The following TNR variants were observed in gnomAD, a reference collection of about 807,000 sequenced individuals.
TNR encodes the protein tenascin-R.
TNR carries 45 observed loss-of-function variants against 150.4 expected under a neutral mutation model. The observed-to-expected ratio is 0.30, with a 90% CI of 0.24 to 0.38. TNR has a LOEUF of 0.38. Ranked by LOEUF, TNR falls within the 10% of genes least tolerant of loss-of-function variation. The pLI is 1.00. For missense variants in TNR, 1,544 were observed against 1,759.1 expected, an observed-to-expected ratio of 0.88 and a Z score of 2.19; for synonymous variants, 687 against 678.4, an observed-to-expected ratio of 1.01 and a Z score of -0.20.
chr1:175,702,161 T>C (rs775546371), intron 1 of TNR, among the ~76,000 whole-genome samples: 20 of 152,200 alleles, frequency 1.3e-4, no homozygotes, highest in Non-Finnish European at 2.2e-4. Context: ...CTGTGGTTAT[T>C]GTATCTTCCA....
Position 175,331,095 on chromosome 1 carries a change from T to TTCTTTCTTTCTTTCTC in TNR, c.3632-861_3632-860insGAGAAAGAAAGAAAGA, listed in dbSNP as rs1557868199. On this transcript the variant is annotated intron_variant, in intron 20 of 22. Transcript: ENST00000367674. ...TTTCTTTCCTTCTTTCTTTCTTTCT[T>TTCTTTCTTTCTTTCTC]TCTTTCTCTCTCTCTTTCTTTTCTT... Among the ~76,000 whole-genome samples, 154 of 132,126 alleles carry TTCTTTCTTTCTTTCTC rather than the reference T, an allele frequency of 1.2e-3. 9 individuals are homozygous for TTCTTTCTTTCTTTCTC. The highest frequency in any genetic ancestry group is 3.2e-3 in the African/African-American group (107 of 33,152). 86.7% of individuals were successfully genotyped at this position (132,126 alleles called of 152,430 possible). A position where few individuals can be genotyped will look rare whatever the true frequency, so the allele number is the denominator to read the frequency against.
At chr1:175,671,955 GA>G (rs145286666) in intron 1 of TNR, among the ~76,000 whole-genome samples, 1,952 of 151,604 alleles carry the variant, frequency 0.013, 42 homozygotes, top group African/African-American at 0.045. Flanking sequence ...GTGTGTTGGA[GA>G]GGGGGAAAGG....
intron 1 of TNR, among the ~76,000 whole-genome samples, chr1:175,616,049 C>T (rs923811697): frequency 6.6e-6 from 1 of 152,166 alleles, no homozygotes; most frequent in Non-Finnish European, 1.5e-5. Flanking sequence ...GAGAGAATGG[C>T]ATGTGCATAG....
chr1:175,417,079 T>TAA (rs1557920417), intron 2 of TNR, among the ~76,000 whole-genome samples: 2 of 60,960 alleles, frequency 3.3e-5, no homozygotes, highest in Non-Finnish European at 7.2e-5. Flanking sequence ...AAGAAAGAAA[T>TAA]CTAAGAAGTG....
At chr1:175,396,509 A>G (rs781507378) in intron 5 of TNR, 35 bp downstream of exon 5, 9 of 1,597,798 alleles carry the variant, frequency 5.6e-6, no homozygotes, top group Admixed American at 1.7e-5. Flanking sequence ...GTAGGAGAAA[A>G]GAAAAATGAA....
intron 2 of TNR, among the ~76,000 whole-genome samples, chr1:175,491,384 T>A (rs1189135959): frequency 6.6e-6 from 1 of 152,172 alleles, no homozygotes; most frequent in Non-Finnish European, 1.5e-5. Flanking sequence ...AAATAAATGT[T>A]AAAGAAAAAA....
At chr1:175,348,447 A>T (rs981912816) in intron 18 of TNR, among the ~76,000 whole-genome samples, 1 of 152,210 alleles carries the variant, frequency 6.6e-6, no homozygotes, top group Admixed American at 6.5e-5. Flanking sequence ...CCTTTGGAAA[A>T]ATAAAGGTCA....
intron 18 of TNR, among the ~76,000 whole-genome samples, chr1:175,353,107 G>A (rs755394183): frequency 6.6e-6 from 1 of 152,194 alleles, no homozygotes; most frequent in South Asian, 2.1e-4. Flanking sequence ...TCAAAGTCGG[G>A]GCTGGGCAGC....
At chr1:175,658,702 A>G (rs1665270605) in intron 1 of TNR, among the ~76,000 whole-genome samples, 1 of 152,218 alleles carries the variant, frequency 6.6e-6, no homozygotes, top group Non-Finnish European at 1.5e-5. Flanking sequence ...GGTCAGACAG[A>G]CTTTATAATA....
chr1:175,537,935 G>A (rs770302056), intron 1 of TNR, among the ~76,000 whole-genome samples: 2 of 152,206 alleles, frequency 1.3e-5, no homozygotes, highest in African/African-American at 4.8e-5. Context: ...TAAGAGTCAA[G>A]TGCAAATCCA....
chr1:175,696,707 C>G (rs1346430781), intron 1 of TNR, among the ~76,000 whole-genome samples: 1 of 151,942 alleles, frequency 6.6e-6, no homozygotes, highest in African/African-American at 2.4e-5. Context: ...TGGAGAAAAC[C>G]CATGTCTACT....
chr1:175,468,187 G>C (rs1657116932), intron 2 of TNR, among the ~76,000 whole-genome samples: 1 of 152,202 alleles, frequency 6.6e-6, no homozygotes, highest in Admixed American at 6.5e-5. Context: ...TGATGCGCTA[G>C]TGAAGGAGAT....
chr1:175,686,881 A>G (rs778311650), intron 1 of TNR, among the ~76,000 whole-genome samples: 1 of 152,154 alleles, frequency 6.6e-6, no homozygotes, highest in Non-Finnish European at 1.5e-5. Flanking sequence ...TTCCTTATCT[A>G]GCTCACCATT....
intron 1 of TNR, among the ~76,000 whole-genome samples, chr1:175,702,997 C>T (rs1666740178): frequency 6.6e-6 from 1 of 150,534 alleles, no homozygotes; most frequent in African/African-American, 2.5e-5. Context: ...CTGCTCTATA[C>T]AGAACACCAT....
rs1418999940 is a variant in TNR at position 175,317,500 on chromosome 1, G to A, written c.*5857C>T. On this transcript the variant is annotated 3_prime_UTR_variant, in exon 23 of 23. Transcript: ENST00000367674. Reference sequence around the variant, plus strand: ...GGTCTCCCTAGGGGCTGCTAAACCAGTGATGGGAAGAAAATAACAGTTCAT... The same window carrying A: ...GGTCTCCCTAGGGGCTGCTAAACCAATGATGGGAAGAAAATAACAGTTCAT... The A allele has an allele frequency of 6.6e-6, 1 of 152,244 alleles. No individual in the cohort carries two copies. The highest frequency in any genetic ancestry group is 2.1e-4 in the South Asian group (1 of 4,832). 9.4% of individuals were successfully genotyped at this position (152,244 alleles called of 1,614,324 possible).
chr1:175,687,208 T>G (rs909216907), intron 1 of TNR, among the ~76,000 whole-genome samples: 1 of 152,122 alleles, frequency 6.6e-6, no homozygotes, highest in African/African-American at 2.4e-5. Flanking sequence ...CCTGCCTCCC[T>G]CCACTAAGCT....
intron 1 of TNR, among the ~76,000 whole-genome samples, chr1:175,568,400 G>A (rs1410497581): frequency 6.6e-6 from 1 of 152,034 alleles, no homozygotes; most frequent in Admixed American, 6.6e-5. Context: ...AGCTTTGTGG[G>A]CATTCCTCGG....
intron 1 of TNR, among the ~76,000 whole-genome samples, chr1:175,661,229 C>T (rs1315746010): frequency 2.0e-5 from 3 of 152,170 alleles, no homozygotes; most frequent in African/African-American, 7.2e-5. Context: ...CGCTGAGGCA[C>T]CAGACACACA....
At chr1:175,610,167 A>G (rs571157237) in intron 1 of TNR, among the ~76,000 whole-genome samples, 31 of 152,338 alleles carry the variant, frequency 2.0e-4, no homozygotes, top group Admixed American at 8.5e-4. Flanking sequence ...ATAAATGAAT[A>G]AATGCAAGAA....
Sources: allele counts gnomAD v4.1 joint callset (sites outside exome capture counted in the v4.1 genomes callset), GRCh38; gene constraint gnomAD v4.1.1; transcripts MANE v1.5; gene names NCBI Gene and HGNC (gene_info 2026-07-23, HGNC 2026-07-21).